Variants in DIXDC1 observed in about 807,000 individuals in gnomAD.
The protein encoded by DIXDC1 is dixin.
In DIXDC1, 64 loss-of-function variants were observed where a neutral mutation model predicts 103.1. The ratio of observed to expected loss-of-function variants is 0.62; its 90% CI spans 0.51 to 0.76. The LOEUF (loss-of-function observed/expected upper bound fraction) is 0.76, where lower values mean the gene tolerates loss of function less well. Ranked by LOEUF, DIXDC1 falls within the 30% of genes least tolerant of loss-of-function variation. The pLI is 0.00. For synonymous variants in DIXDC1, 266 were observed against 298.5 expected, an observed-to-expected ratio of 0.89 and a Z score of 1.12; for missense variants, 759 against 834.2, an observed-to-expected ratio of 0.91 and a Z score of 1.11.
At chr11:111,964,142 C>T (rs1226037932) in intron 1 of DIXDC1, among the ~76,000 whole-genome samples, 4 of 152,152 alleles carry the variant, frequency 2.6e-5, no homozygotes, top group South Asian at 2.1e-4. Flanking sequence ...GCATATGGCA[C>T]GAGTAATTGT....
chr11:111,977,108 C>T lies in DIXDC1; in HGVS notation c.656+2125C>T. ...CTTCCCCTGCCTATCCTGAGGCTCC[C>T]AATCTCCTCTCCTCGCATCCCCCAA... On this transcript the variant is annotated intron_variant, in intron 5 of 19. Transcript: ENST00000440460. The surrounding 1 kb of genome is among the most constrained non-coding windows in gnomAD (Gnocchi z 6.1). 1 of 253,704 alleles carries T rather than the reference C, an allele frequency of 3.9e-6. No homozygotes were observed. Among genetic ancestry groups the T allele is most frequent in the Non-Finnish European group, 6.2e-6 (1 of 160,642 alleles). The allele number at this position is 253,704 out of a possible 1,614,324, so 15.7% of individuals were successfully genotyped here.
chr11:111,964,760 G>T, intron 2 of DIXDC1, 82 bp downstream of exon 2: 1 of 1,444,354 alleles, frequency 6.9e-7, no homozygotes, highest in African/African-American at 1.4e-5. Context: ...CTTTAGAGCA[G>T]GTTATTTTTT....
At chr11:112,007,008 C>T (rs1209673714) in intron 17 of DIXDC1, among the ~76,000 whole-genome samples, 3 of 152,082 alleles carry the variant, frequency 2.0e-5, no homozygotes, top group Non-Finnish European at 4.4e-5. Flanking sequence ...TAAACTTCTC[C>T]GAGCTAGAGG....
At chr11:112,010,599 CAG>C (rs1555177122) in intron 17 of DIXDC1, among the ~76,000 whole-genome samples, 1 of 152,198 alleles carries the variant, frequency 6.6e-6, no homozygotes, top group African/African-American at 2.4e-5. Context: ...GGTACTAAAA[CAG>C]ATATATAGAC....
rs587668285 is a variant in DIXDC1 at position 111,951,806 on chromosome 11, T to G, written c.61-12743T>G. ...ATCCATGTAAAATGTGACTTGCTCC[T>G]CCTTGCCTTCTGCCATGATTGTGAG... On this transcript the variant is annotated intron_variant, in intron 1 of 19. Coordinates refer to ENST00000440460, the MANE Select transcript of DIXDC1 (RefSeq NM_001037954.4). Among the ~76,000 whole-genome samples, 140 of 152,218 alleles carry G rather than the reference T, an allele frequency of 9.2e-4. 1 individual carries two copies. The highest frequency in any genetic ancestry group is 3.0e-3 in the African/African-American group (126 of 41,526).
intron 1 of DIXDC1, among the ~76,000 whole-genome samples, chr11:111,961,462 C>G (rs1423448818): frequency 6.6e-6 from 1 of 152,184 alleles, no homozygotes; most frequent in Non-Finnish European, 1.5e-5. Context: ...ACAAAAACAT[C>G]TCCCTGCCAG....
At chr11:111,986,666 C>T (rs1490557913) in intron 8 of DIXDC1, among the ~76,000 whole-genome samples, 1 of 151,936 alleles carries the variant, frequency 6.6e-6, no homozygotes, top group Non-Finnish European at 1.5e-5. Context: ...GCCTGGCCCA[C>T]CCATACTTAT....
chr11:111,980,747 C>T lies in DIXDC1; in HGVS notation c.667C>T (p.Pro223Ser), dbSNP rs782046560. The T allele has an allele frequency of 7.9e-5, 127 of 1,613,606 alleles. No individual in the cohort carries two copies. The highest frequency in any genetic ancestry group is 1.0e-4 in the Non-Finnish European group (123 of 1,179,788). ...TTTCTTCAATCACAGCCTGACTTCA[C>T]CCAGTCCAATCCACAGTGCAAAGAG... ...SESSCSSLTS[P>S]SPIHSAKSES... Residue 223 changes from proline (P) to serine (S), a missense_variant, in exon 6 of 20, where the codon CCC (proline) becomes TCC (serine). Pro to Ser is a moderately conservative substitution (Grantham distance 74). Around this residue, in one of 3 missense-constraint regions of DIXDC1, gnomAD observed 657 missense variants for 727.5 expected, o/e 0.90. Transcript: ENST00000440460.
chr11:111,969,045 C>T (rs949044199), intron 3 of DIXDC1, among the ~76,000 whole-genome samples: 20 of 151,480 alleles, frequency 1.3e-4, no homozygotes, highest in East Asian at 2.0e-4. Flanking sequence ...TCCCAAAGTG[C>T]TGGGATTACA....
chr11:112,005,849 G>C (rs1555176566), intron 17 of DIXDC1, among the ~76,000 whole-genome samples: 1 of 152,084 alleles, frequency 6.6e-6, no homozygotes, highest in Admixed American at 6.5e-5. Flanking sequence ...TAAGAATATA[G>C]AAAACCTGGG....
chr11:111,937,302 C>T, upstream of DIXDC1: 2 of 1,336,390 alleles, frequency 1.5e-6, no homozygotes, highest in South Asian at 2.0e-5. Flanking sequence ...CGGGCCCCTC[C>T]AGCGGAGGCC....
upstream of DIXDC1, chr11:111,937,129 G>GGGGGT (rs1422868080): frequency 8.9e-4 from 632 of 708,188 alleles, 90 homozygotes; most frequent in African/African-American, 0.014. Context: ...CTGCGGCCCG[G>GGGGGT]GCGGGGGGGG....
chr11:111,989,191 A>C (rs1860606561), intron 10 of DIXDC1, 136 bp downstream of exon 10: 1 of 641,980 alleles, frequency 1.6e-6, no homozygotes, highest in African/African-American at 1.9e-5. Flanking sequence ...GCTTTGTGGG[A>C]GGGAAGTGAG....
intron 10 of DIXDC1, among the ~76,000 whole-genome samples, chr11:111,989,838 G>A (rs185574443): frequency 0.019 from 2,831 of 150,790 alleles, 76 homozygotes; most frequent in Admixed American, 0.074. Flanking sequence ...GCCCAGGCTG[G>A]AGTGCAGTGG....
At chr11:111,929,172 C>T (rs587706079) in intron 1 of DIXDC1, among the ~76,000 whole-genome samples, 1 of 152,108 alleles carries the variant, frequency 6.6e-6, no homozygotes, top group Admixed American at 6.5e-5. Context: ...GAGCAAGATT[C>T]TGTCCCCCCA....
chr11:111,967,845 A>G (rs1555171723), intron 2 of DIXDC1, among the ~76,000 whole-genome samples: 2 of 152,218 alleles, frequency 1.3e-5, no homozygotes, highest in African/African-American at 2.4e-5. Flanking sequence ...GCTGTGGTCC[A>G]GAAAGCCCCG....
At chr11:112,004,479 T>A (rs116382042) in intron 17 of DIXDC1, among the ~76,000 whole-genome samples, 140 of 152,318 alleles carry the variant, frequency 9.2e-4, no homozygotes, top group African/African-American at 3.2e-3. Flanking sequence ...GGCAGGAAAC[T>A]ATCTTGGACT....
At chr11:112,011,673 G>A (rs1265584461) in intron 17 of DIXDC1, among the ~76,000 whole-genome samples, 1 of 152,068 alleles carries the variant, frequency 6.6e-6, no homozygotes, top group Non-Finnish European at 1.5e-5. Context: ...TGAAACTGGA[G>A]TTCATCATTC....
At position 111,993,653 on chromosome 11, in the gene DIXDC1, AGTGTCTATTTTGCAGG is replaced by A; in HGVS notation, c.1366-15_1366del. Reference sequence around the variant, plus strand: ...GCCCAAAGAAATCATTTTCTGATTTAGTGTCTATTTTGCAGGTGGATCTAGAGCGAGAGCTAGAACA... The same window carrying A: ...GCCCAAAGAAATCATTTTCTGATTTATGGATCTAGAGCGAGAGCTAGAACA... On this transcript the variant is annotated splice_acceptor_variant and splice_polypyrimidine_tract_variant and coding_sequence_variant and intron_variant, in exon 14 of 20. Coordinates refer to ENST00000440460, the MANE Select transcript of DIXDC1 (RefSeq NM_001037954.4). LOFTEE classifies it high-confidence loss of function. 1 of 1,614,002 alleles carries A rather than the reference AGTGTCTATTTTGCAGG, an allele frequency of 6.2e-7. No homozygotes were observed. Among genetic ancestry groups the A allele is most frequent in the Non-Finnish European group, 8.5e-7 (1 of 1,179,884 alleles).
Sources: allele counts gnomAD v4.1 joint callset (sites outside exome capture counted in the v4.1 genomes callset), GRCh38; gene constraint gnomAD v4.1.1; regional missense constraint gnomAD v4.1.1; non-coding constraint Gnocchi (gnomAD v3.1); transcripts MANE v1.5; gene names NCBI Gene and HGNC (gene_info 2026-07-23, HGNC 2026-07-21).